The following CTNNA2 variants were observed in gnomAD, a reference collection of about 807,000 sequenced individuals.
CTNNA2 encodes catenin alpha-2.
Under a neutral mutation model 101.0 loss-of-function variants are expected in CTNNA2, and 42 were observed. The ratio of observed to expected loss-of-function variants is 0.42; its 90% CI spans 0.32 to 0.54. The LOEUF is 0.54. Ranked by LOEUF, CTNNA2 falls within the 20% of genes least tolerant of loss-of-function variation. The pLI, the probability that CTNNA2 is intolerant of heterozygous loss-of-function variation, is 0.14. For synonymous variants in CTNNA2, 450 were observed against 456.4 expected (o/e 0.99, Z 0.18); for missense variants, 871 against 1,223.1 (o/e 0.71, Z 4.29).
chr2:80,392,703 A>G (rs2149366268), intron 7 of CTNNA2, among the ~76,000 whole-genome samples: 1 of 152,212 alleles, frequency 6.6e-6, no homozygotes, highest in African/African-American at 2.4e-5. Context: ...GCAATACTGT[A>G]TTTTCTAGTA....
intron 4 of CTNNA2, among the ~76,000 whole-genome samples, chr2:79,860,188 TAA>T (rs1681480005): frequency 6.6e-6 from 1 of 152,200 alleles, no homozygotes; most frequent in Non-Finnish European, 1.5e-5. Flanking sequence ...TATTTTTAGA[TAA>T]GTCTTTCCAC....
chr2:79,671,201 A>G (rs1344127441), intron 2 of CTNNA2, among the ~76,000 whole-genome samples: 2 of 152,140 alleles, frequency 1.3e-5, no homozygotes, highest in Admixed American at 6.5e-5. Flanking sequence ...ACTATATCTA[A>G]TGTGTTAAAA....
At chr2:79,329,171 G>T (rs1264193330) in intron 3 of CTNNA2, among the ~76,000 whole-genome samples, 3 of 152,102 alleles carry the variant, frequency 2.0e-5, no homozygotes, top group African/African-American at 2.4e-5. Context: ...ACACTATTCA[G>T]CCCAGTACAG....
At chr2:79,348,202 A>T (rs894930880) in intron 3 of CTNNA2, among the ~76,000 whole-genome samples, 3 of 152,188 alleles carry the variant, frequency 2.0e-5, no homozygotes, top group African/African-American at 4.8e-5. Flanking sequence ...TTTCATTTTT[A>T]AAAGGACTAT....
At chr2:79,965,298 A>C (rs2104548322) in intron 7 of CTNNA2, among the ~76,000 whole-genome samples, 1 of 152,272 alleles carries the variant, frequency 6.6e-6, no homozygotes. Flanking sequence ...TAAGCTACAA[A>C]ATTTTAAAGC....
intron 9 of CTNNA2, among the ~76,000 whole-genome samples, chr2:80,480,876 T>C (rs1045420763): frequency 6.6e-6 from 1 of 152,128 alleles, no homozygotes; most frequent in African/African-American, 2.4e-5. Context: ...GGAAAGCACT[T>C]TAATAAGATA....
At chr2:80,231,585 C>A (rs558219055) in intron 7 of CTNNA2, among the ~76,000 whole-genome samples, 31 of 152,272 alleles carry the variant, frequency 2.0e-4, no homozygotes, top group African/African-American at 7.5e-4. Context: ...AGACATGTTT[C>A]ATTATACTTT....
chr2:79,812,925 G>A (rs1677166881), intron 3 of CTNNA2, among the ~76,000 whole-genome samples: 1 of 152,154 alleles, frequency 6.6e-6, no homozygotes, highest in Non-Finnish European at 1.5e-5. Context: ...ACACCCCAAA[G>A]AGGGACAGTA....
intron 7 of CTNNA2, among the ~76,000 whole-genome samples, chr2:80,109,051 A>G (rs944373907): frequency 6.6e-6 from 1 of 152,248 alleles, no homozygotes; most frequent in Non-Finnish European, 1.5e-5. Flanking sequence ...GACCCTGGTC[A>G]TTAGAATAAA....
chr2:79,825,482 A>G (rs1434996487), intron 3 of CTNNA2, among the ~76,000 whole-genome samples: 1 of 152,090 alleles, frequency 6.6e-6, no homozygotes, highest in Non-Finnish European at 1.5e-5. Context: ...AAAATGAAAG[A>G]TGAATTCGAA....
chr2:79,537,883 T>G, intron 1 of CTNNA2, among the ~76,000 whole-genome samples: 1 of 152,022 alleles, frequency 6.6e-6, no homozygotes, highest in East Asian at 1.9e-4. Flanking sequence ...GACATTTGGG[T>G]TTTATAATTT....
rs73938750 is a variant in CTNNA2, at chr2:79,643,700, A to C, written c.-5-7852A>C. Among the ~76,000 whole-genome samples the C allele has an allele frequency of 8.5e-3, 1,299 of 152,282 alleles. 15 individuals carry two copies. The highest frequency in any genetic ancestry group is 0.03 in the African/African-American group (1,239 of 41,558). ...TCCTTCTTTGGCTCTCTCAAGGCTG[A>C]AATCAAGGTATTGATAGGGCTGTGT... On this transcript the variant is annotated intron_variant, in intron 1 of 18. Transcript: ENST00000402739.
chr2:79,831,795 T>TAA (rs35304325), intron 3 of CTNNA2, among the ~76,000 whole-genome samples: 14 of 148,370 alleles, frequency 9.4e-5, no homozygotes, highest in Non-Finnish European at 1.8e-4. Flanking sequence ...ACCCTTCAAT[T>TAA]AAAAAAAAAA....
At chr2:79,223,809 A>G (rs1674375861) in intron 2 of CTNNA2, among the ~76,000 whole-genome samples, 2 of 152,224 alleles carry the variant, frequency 1.3e-5, no homozygotes, top group South Asian at 4.1e-4. Flanking sequence ...CTTATTTACC[A>G]CAATAAATGG....
At chr2:80,643,265 T>C (rs1673683767) in intron 18 of CTNNA2, among the ~76,000 whole-genome samples, 1 of 152,076 alleles carries the variant, frequency 6.6e-6, no homozygotes. Context: ...GGTAAGATCA[T>C]GGGCTCAGTG....
intron 7 of CTNNA2, among the ~76,000 whole-genome samples, chr2:80,200,239 C>T (rs964189661): frequency 3.3e-5 from 5 of 152,206 alleles, no homozygotes; most frequent in Non-Finnish European, 5.9e-5. Context: ...TAATATTCCA[C>T]AGGCAGACTC....
intron 6 of CTNNA2, among the ~76,000 whole-genome samples, chr2:79,888,403 T>C (rs1385330260): frequency 6.6e-6 from 1 of 152,234 alleles, no homozygotes; most frequent in Non-Finnish European, 1.5e-5. Context: ...ATACCTCTGA[T>C]ATTGCTTCTA....
intron 3 of CTNNA2, among the ~76,000 whole-genome samples, chr2:79,802,268 G>A (rs963877106): frequency 6.6e-6 from 1 of 151,986 alleles, no homozygotes; most frequent in Non-Finnish European, 1.5e-5. Context: ...AGGTATAAAG[G>A]GATAATATCC....
intron 2 of CTNNA2, among the ~76,000 whole-genome samples, chr2:79,652,970 A>G (rs1681364536): frequency 6.6e-6 from 1 of 152,142 alleles, no homozygotes; most frequent in Admixed American, 6.6e-5. Context: ...TCTGTCCTTG[A>G]GCAGAGTTCC....
Sources: gnomAD v4.1 joint callset for allele counts (sites outside exome capture counted in the v4.1 genomes callset) on GRCh38, gnomAD v4.1.1 for gene constraint, MANE v1.5 for transcripts, NCBI Gene and HGNC (gene_info 2026-07-23, HGNC 2026-07-21) for gene names.